TESK2: variants seen among roughly 807,000 people sequenced by gnomAD.
TESK2 encodes dual specificity testis-specific protein kinase 2.
A neutral mutation model predicts 57.1 loss-of-function variants in TESK2; 39 were observed. The ratio of observed to expected loss-of-function variants is 0.68; its 90% CI spans 0.53 to 0.89. TESK2 has a LOEUF of 0.89. Among genes scored for constraint, TESK2 ranks in the 40% least tolerant of loss-of-function variants. TESK2 has a pLI of 0.00. For synonymous variants in TESK2, 249 were observed against 267.9 expected (o/e 0.93, Z 0.69); for missense variants, 646 against 732.1 (o/e 0.88, Z 1.36).
At chr1:45,476,586 A>AC (rs1652999705) in intron 1 of TESK2, among the ~76,000 whole-genome samples, 1 of 150,800 alleles carries the variant, frequency 6.6e-6, no homozygotes, top group African/African-American at 2.4e-5. Context: ...GGTGGCTCAC[A>AC]CCTGTAATCC....
At chr1:45,450,213 T>C (rs903429183) in intron 2 of TESK2, among the ~76,000 whole-genome samples, 9 of 152,140 alleles carry the variant, frequency 5.9e-5, no homozygotes, top group Non-Finnish European at 1.3e-4. Flanking sequence ...GAAGAATTAA[T>C]TTTTTTAAAA....
chr1:45,396,752 G>C (rs1284195460), intron 3 of TESK2, among the ~76,000 whole-genome samples: 2 of 150,062 alleles, frequency 1.3e-5, no homozygotes, highest in Non-Finnish European at 3.0e-5. Context: ...GCCTCCCAAA[G>C]TGCTGGGATT....
intron 2 of TESK2, among the ~76,000 whole-genome samples, chr1:45,435,970 T>C (rs867523890): frequency 5.9e-5 from 9 of 151,990 alleles, no homozygotes; most frequent in Non-Finnish European, 1.0e-4. Flanking sequence ...GGATTTATTC[T>C]GTTCCATTGG....
intron 1 of TESK2, among the ~76,000 whole-genome samples, chr1:45,485,819 C>T (rs979179978): frequency 2.0e-5 from 3 of 151,946 alleles, no homozygotes; most frequent in Non-Finnish European, 4.4e-5. Flanking sequence ...CCGCACCCAG[C>T]CCTAAATTTA....
chr1:45,438,432 G>A (rs1048405145), intron 2 of TESK2, among the ~76,000 whole-genome samples: 1 of 152,216 alleles, frequency 6.6e-6, no homozygotes, highest in African/African-American at 2.4e-5. Flanking sequence ...GGAGATGGAG[G>A]TTGCAGTGAG....
chr1:45,417,469 G>T (rs1319223457), intron 3 of TESK2, among the ~76,000 whole-genome samples: 2 of 152,048 alleles, frequency 1.3e-5, no homozygotes, highest in African/African-American at 4.8e-5. Flanking sequence ...CGACTCAGGT[G>T]ATCCACCTGC....
intron 2 of TESK2, among the ~76,000 whole-genome samples, chr1:45,431,192 G>A (rs1473614306): frequency 1.3e-5 from 2 of 152,172 alleles, no homozygotes; most frequent in Admixed American, 6.5e-5. Context: ...GCCGAGGTCG[G>A]CGGATCACGA....
intron 1 of TESK2, among the ~76,000 whole-genome samples, chr1:45,483,610 A>T (rs943434040): frequency 3.3e-5 from 5 of 152,010 alleles, no homozygotes; most frequent in Non-Finnish European, 5.9e-5. Context: ...AGAAAAAAAA[A>T]AAAAGGAAAT....
chr1:45,391,123 A>T (rs893407181), intron 3 of TESK2, among the ~76,000 whole-genome samples: 1 of 151,002 alleles, frequency 6.6e-6, no homozygotes, highest in East Asian at 2.0e-4. Context: ...TCACTGTGTT[A>T]GCCAGGATGG....
At chr1:45,407,883 T>C (rs542044046) in intron 3 of TESK2, among the ~76,000 whole-genome samples, 1 of 152,268 alleles carries the variant, frequency 6.6e-6, no homozygotes, top group East Asian at 1.9e-4. Context: ...TCCAACAAAA[T>C]TGTAAAATTC....
At chr1:45,480,104 G>C (rs980544097) in intron 1 of TESK2, among the ~76,000 whole-genome samples, 1 of 150,300 alleles carries the variant, frequency 6.7e-6, no homozygotes, top group Non-Finnish European at 1.5e-5. Flanking sequence ...GATTATAGGC[G>C]TGAGCCACCA....
intron 4 of TESK2, among the ~76,000 whole-genome samples, chr1:45,377,062 A>AT (rs1395795523): frequency 6.6e-6 from 1 of 152,086 alleles, no homozygotes; most frequent in Non-Finnish European, 1.5e-5. Context: ...TCTACAAAAA[A>AT]TGTAAAAATT....
chr1:45,393,015 A>G (rs1430030127), intron 3 of TESK2, among the ~76,000 whole-genome samples: 2 of 152,252 alleles, frequency 1.3e-5, no homozygotes, highest in East Asian at 3.8e-4. Context: ...AGAGGCAAGT[A>G]CAAGGCAGTA....
intron 1 of TESK2, among the ~76,000 whole-genome samples, chr1:45,462,221 C>T (rs1410893002): frequency 6.6e-6 from 1 of 152,042 alleles, no homozygotes; most frequent in African/African-American, 2.4e-5. Context: ...ACTTATTTCA[C>T]TTAACATGAT....
In TESK2 at chr1:45,456,800, A is replaced by G. The variant is rs139098768; in HGVS notation, c.222+764T>C. Among the ~76,000 whole-genome samples, 225 of 152,324 alleles carry G rather than the reference A, an allele frequency of 1.5e-3. 1 individual carries two copies. Among genetic ancestry groups the G allele is most frequent in the African/African-American group, 5.2e-3 (216 of 41,574 alleles). ...AGTAACTGGGTAAAGATGTGTGTTG[A>G]TAGCTATTTGTAGTAATGGAAGTCT... On this transcript the variant is annotated intron_variant, in intron 2 of 10. Coordinates refer to ENST00000372086, the MANE Select transcript of TESK2 (RefSeq NM_007170.3).
chr1:45,471,017 G>A (rs570207329), intron 1 of TESK2, among the ~76,000 whole-genome samples: 1 of 152,258 alleles, frequency 6.6e-6, no homozygotes, highest in South Asian at 2.1e-4. Flanking sequence ...TGGATCACGA[G>A]GTCAGGAGGT....
At chr1:45,431,331 T>G (rs1253870169) in intron 2 of TESK2, among the ~76,000 whole-genome samples, 1 of 151,914 alleles carries the variant, frequency 6.6e-6, no homozygotes, top group Non-Finnish European at 1.5e-5. Context: ...GGCAGAAGAA[T>G]CGCTTGAACC....
At chr1:45,441,662 A>T (rs189422899) in intron 2 of TESK2, among the ~76,000 whole-genome samples, 1 of 132,490 alleles carries the variant, frequency 7.5e-6, no homozygotes, top group Admixed American at 8.7e-5. Context: ...TCTGTTGCCC[A>T]GGCTGGAGTA....
intron 3 of TESK2, among the ~76,000 whole-genome samples, chr1:45,396,013 C>T (rs2149278344): frequency 6.6e-6 from 1 of 152,230 alleles, no homozygotes. Context: ...CTAGCTCTGT[C>T]AACTACGCTG....
Sources: allele counts gnomAD v4.1 joint callset (sites outside exome capture counted in the v4.1 genomes callset), GRCh38; gene constraint gnomAD v4.1.1; transcripts MANE v1.5; gene names NCBI Gene and HGNC (gene_info 2026-07-23, HGNC 2026-07-21).